Variants in DHX32 observed in about 807,000 individuals in gnomAD.
DHX32 encodes DEAH-box helicase 32 (putative), also known as putative pre-mRNA-splicing factor ATP-dependent RNA helicase DHX32.
In DHX32, 51 loss-of-function variants were observed where a neutral mutation model predicts 70.0. That is an observed-to-expected ratio of 0.73 (90% confidence interval 0.58 to 0.92). DHX32 has a LOEUF of 0.92. DHX32 is among the 40% of genes least tolerant of loss of function. DHX32 has a pLI of 0.00. For missense variants in DHX32, 762 were observed against 891.8 expected (o/e 0.85, Z 1.85); for synonymous variants, 310 against 315.3 (o/e 0.98, Z 0.18).
Position 125,891,137 on chromosome 10 carries a change from C to T in DHX32, c.-248+5081G>A, listed in dbSNP as rs540172303. Among the ~76,000 whole-genome samples the T allele has an allele frequency of 2.7e-3, 415 of 152,010 alleles. 1 individual carries two copies. The highest frequency in any genetic ancestry group is 9.4e-3 in the African/African-American group (389 of 41,442). ...ATGATTTTTTGACTGCATTCCATTCCGAAAACTAATTTACTCTGAGTAGAA... is the reference window on the plus strand; with the variant it reads ...ATGATTTTTTGACTGCATTCCATTCTGAAAACTAATTTACTCTGAGTAGAA... On this transcript the variant is annotated intron_variant, in intron 1 of 2. Transcript: ENST00000415732.
At chr10:125,889,094 A>G (rs1944355550) in intron 1 of DHX32, among the ~76,000 whole-genome samples, 1 of 152,236 alleles carries the variant, frequency 6.6e-6, no homozygotes, top group African/African-American at 2.4e-5. Flanking sequence ...TTGTGGTAGC[A>G]GCTCAGCAAA....
chr10:125,840,728 T>C (rs1854853717), intron 8 of DHX32, 119 bp downstream of exon 8: 2 of 1,161,322 alleles, frequency 1.7e-6, no homozygotes, highest in Non-Finnish European at 2.4e-6. Flanking sequence ...TCAAGTGCCA[T>C]TGCATTCAAG....
Position 125,867,105 on chromosome 10 carries a change from G to A in DHX32, c.361C>T (p.Gln121Ter). 6.2e-7 allele frequency: 1 copy of A among 1,614,214 alleles called. No homozygotes were observed. Among genetic ancestry groups the A allele is most frequent in the Non-Finnish European group, 8.5e-7 (1 of 1,180,042 alleles). ...CGCAGGGCGAGCTGGACCACAGTCT[G>A]CTTGTGGACCTGTGTGCATATCACG... is the stretch of plus-strand genomic sequence containing the variant. ...GGVICTQVHKQTVVQLALRVA... is the reference protein window; with the variant it reads ...GGVICTQVHK Residue 121 changes from glutamine (Q) to a stop codon, truncating the protein, a stop_gained, in exon 2 of 11, where the codon CAG becomes TAG. Transcript: ENST00000284690. LOFTEE classifies it high-confidence loss of function.
upstream of DHX32, among the ~76,000 whole-genome samples, chr10:125,883,254 T>C (rs1447664359): frequency 6.6e-6 from 1 of 152,206 alleles, no homozygotes; most frequent in Non-Finnish European, 1.5e-5. Flanking sequence ...ACTTCTCTGT[T>C]ATAGTGGAAT....
At position 125,866,709 on chromosome 10, in the gene DHX32, G is replaced by A. The variant is rs1784010943; in HGVS notation, c.476+281C>T. Among the ~76,000 whole-genome samples the A allele has an allele frequency of 6.6e-6, 1 of 152,214 alleles. No homozygotes were observed. The highest frequency in any genetic ancestry group is 1.5e-5 in the Non-Finnish European group (1 of 68,038). ...GGCAATGATGTGGACCCTGCATGAG[G>A]CATAGCTCCAGAAGCACACGCTTGA... is the stretch of plus-strand genomic sequence containing the variant. On this transcript the variant is annotated intron_variant, in intron 2 of 10. Transcript: ENST00000284690. This position sits in a 1 kb window ranked among gnomAD's most constrained non-coding sequence, Gnocchi z 4.8.
At chr10:125,877,322 T>C (rs563708930) in intron 1 of DHX32, among the ~76,000 whole-genome samples, 92 of 151,396 alleles carry the variant, frequency 6.1e-4, no homozygotes, top group Non-Finnish European at 1.0e-3. Flanking sequence ...AAACCTTTGA[T>C]ACTGGCAGCT....
intron 4 of DHX32, chr10:125,853,256 A>G (rs1003262417): frequency 1.3e-6 from 2 of 1,559,120 alleles, no homozygotes; most frequent in African/African-American, 1.4e-5. Context: ...AGTCAGGGAT[A>G]TTTAGGAGGC....
Position 125,839,100 on chromosome 10 carries a change from A to G in DHX32, c.1782T>C (p.Ile594=). 1.2e-6 allele frequency: 2 copies of G among 1,614,228 alleles called. No individual in the cohort carries two copies. The highest frequency in any genetic ancestry group is 1.7e-6 in the Non-Finnish European group (2 of 1,180,040). ...CATAGGGAAGCTCGATTCGCTTGAT[A>G]ATTTCTAAGAGTTCAGCTCGAATAA... ...ADVIRAELLE[I]IKRIELPYAE... is the part of the protein sequence containing the mutation. Residue 594 remains isoleucine (I), a synonymous_variant, in exon 9 of 11, where the codon ATT becomes ATC. Coordinates refer to ENST00000284690, the MANE Select transcript of DHX32 (RefSeq NM_018180.3).
At chr10:125,851,375 C>T (rs1231812377) in intron 6 of DHX32, among the ~76,000 whole-genome samples, 2 of 152,204 alleles carry the variant, frequency 1.3e-5, no homozygotes, top group African/African-American at 4.8e-5. Flanking sequence ...GAATGAGCAG[C>T]ACAGAGGGTG....
At chr10:125,895,324 T>C (rs1163403554) in intron 1 of DHX32, among the ~76,000 whole-genome samples, 2 of 152,268 alleles carry the variant, frequency 1.3e-5, no homozygotes, top group Admixed American at 1.3e-4. Flanking sequence ...CGGCTCTTCC[T>C]TCCATTTCCC....
At chr10:125,853,007 T>C in intron 4 of DHX32, 4 of 740,972 alleles carry the variant, frequency 5.4e-6, no homozygotes, top group Non-Finnish European at 9.0e-6. Flanking sequence ...TTCTTTATAG[T>C]TTTGTTCAAA....
intron 1 of DHX32, among the ~76,000 whole-genome samples, chr10:125,874,238 G>A (rs891276069): frequency 2.6e-5 from 4 of 152,242 alleles, no homozygotes; most frequent in African/African-American, 7.2e-5. Context: ...AAACAGTCTC[G>A]CAAACTCTTA....
intron 3 of DHX32, among the ~76,000 whole-genome samples, chr10:125,856,421 C>T (rs375500522): frequency 3.9e-5 from 6 of 152,066 alleles, no homozygotes; most frequent in Non-Finnish European, 7.4e-5. Context: ...TTTTGTCTTC[C>T]GGTTAAAAGA....
intron 9 of DHX32, among the ~76,000 whole-genome samples, chr10:125,838,601 A>G (rs17153651): frequency 0.019 from 2,822 of 152,334 alleles, 34 homozygotes; most frequent in South Asian, 0.033. Flanking sequence ...CTTCAGCAAC[A>G]GCAGGGCACT....
chr10:125,859,480 T>C, intron 3 of DHX32, 123 bp downstream of exon 3: 1 of 1,043,164 alleles, frequency 9.6e-7, no homozygotes, highest in Non-Finnish European at 1.4e-6. Flanking sequence ...TTTTATTTAA[T>C]GAGGTGTGAT....
chr10:125,842,291 A>T (rs563762214), intron 6 of DHX32: 1 of 211,682 alleles, frequency 4.7e-6, no homozygotes, highest in Non-Finnish European at 9.2e-6. Flanking sequence ...AGAGAGACAC[A>T]CAGATCTAAG....
At chr10:125,837,394 C>T (rs1394144717) in intron 10 of DHX32, among the ~76,000 whole-genome samples, 1 of 152,124 alleles carries the variant, frequency 6.6e-6, no homozygotes. Flanking sequence ...CTTGCCATTG[C>T]CCCTCCTTTC....
Position 125,880,635 on chromosome 10 carries a change from TAGGA to T in DHX32, c.186_189del (p.Pro63TyrfsTer18). 6.2e-7 allele frequency: 1 copy of T among 1,614,192 alleles called. No individual in the cohort carries two copies. Among genetic ancestry groups the T allele is most frequent in the Non-Finnish European group, 8.5e-7 (1 of 1,180,016 alleles). On this transcript the variant is annotated frameshift_variant, in exon 1 of 11. Coordinates refer to ENST00000284690, the MANE Select transcript of DHX32 (RefSeq NM_018180.3). LOFTEE classifies it high-confidence loss of function. ...ATAAAGGAGTATTTTTCTTTCCATA[TAGGA>T]AGATCTTCTCTTTCTTTCAGAAGTT...
intron 1 of DHX32, chr10:125,869,690 A>C (rs530973521): frequency 6.6e-6 from 1 of 152,212 alleles, no homozygotes; most frequent in African/African-American, 2.4e-5. Flanking sequence ...AAGTGTTGGG[A>C]TTACAGATGT....
Sources: gnomAD v4.1 joint callset for allele counts (sites outside exome capture counted in the v4.1 genomes callset) on GRCh38, gnomAD v4.1.1 for gene constraint, Gnocchi (gnomAD v3.1) non-coding constraint, MANE v1.5 for transcripts, NCBI Gene and HGNC (gene_info 2026-07-23, HGNC 2026-07-21) for gene names.